The following PID1 variants were observed in gnomAD, a reference collection of about 807,000 sequenced individuals.
PID1 encodes the protein phosphotyrosine interaction domain containing 1.
In PID1, 10 loss-of-function variants were observed where a neutral mutation model predicts 19.1. The ratio of observed to expected loss-of-function variants is 0.52; its 90% confidence interval spans 0.32 to 0.89. The LOEUF (loss-of-function observed/expected upper bound fraction) is 0.89. Among genes scored for constraint, PID1 ranks in the 40% least tolerant of loss-of-function variants. The pLI, the probability that PID1 is intolerant of heterozygous loss-of-function variation, is 0.03. For missense variants in PID1, 248 were observed against 285.3 expected, an observed-to-expected ratio of 0.87 and a Z score of 0.94; for synonymous variants, 130 against 116.0, an observed-to-expected ratio of 1.12 and a Z score of -0.78.
At chr2:229,135,128 G>A (rs938292906) in intron 2 of PID1, among the ~76,000 whole-genome samples, 6 of 152,166 alleles carry the variant, frequency 3.9e-5, no homozygotes, top group African/African-American at 1.4e-4. Context: ...GGAAGAAGTG[G>A]AAGGGTCTTG....
At chr2:229,120,214 CA>C (rs1695489637) in intron 2 of PID1, among the ~76,000 whole-genome samples, 1 of 152,122 alleles carries the variant, frequency 6.6e-6, no homozygotes, top group Admixed American at 6.6e-5. Flanking sequence ...GTCAAAAATC[CA>C]CATATAACTT....
chr2:229,187,894 C>T (rs1270507849), intron 1 of PID1, among the ~76,000 whole-genome samples: 5 of 152,166 alleles, frequency 3.3e-5, no homozygotes, highest in Non-Finnish European at 1.5e-5. Context: ...CTCTCATAAA[C>T]CCATGCTAAT....
At chr2:229,028,655 A>G (rs1451093852) in intron 2 of PID1, among the ~76,000 whole-genome samples, 1 of 152,242 alleles carries the variant, frequency 6.6e-6, no homozygotes, top group African/African-American at 2.4e-5. Flanking sequence ...AATGTGGTAC[A>G]TATACACCAT....
intron 2 of PID1, among the ~76,000 whole-genome samples, chr2:229,041,817 T>A (rs896825565): frequency 7.9e-5 from 12 of 151,568 alleles, no homozygotes; most frequent in Non-Finnish European, 4.4e-5. Context: ...CAAATCCAAA[T>A]GGAAGGGCAT....
At chr2:229,176,190 AG>A (rs1690819951) in intron 1 of PID1, among the ~76,000 whole-genome samples, 1 of 152,206 alleles carries the variant, frequency 6.6e-6, no homozygotes, top group East Asian at 1.9e-4. Context: ...AAACAAAAAA[AG>A]ATTAGCAAAT....
intron 1 of PID1, chr2:229,232,181 T>C: frequency 7.3e-7 from 1 of 1,374,704 alleles, no homozygotes; most frequent in Non-Finnish European, 9.5e-7. Flanking sequence ...CCCAGCACTC[T>C]GGGAGGCCGA....
chr2:229,199,745 T>TATATATATATAC (rs1491155550), intron 1 of PID1, among the ~76,000 whole-genome samples: 11 of 122,540 alleles, frequency 9.0e-5, no homozygotes, highest in African/African-American at 2.3e-4. Flanking sequence ...TATATATATA[T>TATATATATATAC]ACACATACAC....
chr2:229,106,084 A>AAAAAAG (rs1286658330), intron 2 of PID1, among the ~76,000 whole-genome samples: 1 of 151,734 alleles, frequency 6.6e-6, no homozygotes, highest in Non-Finnish European at 1.5e-5. Context: ...CGTCAAAAAA[A>AAAAAAG]AAAAAGGGAA....
intron 2 of PID1, among the ~76,000 whole-genome samples, chr2:229,071,736 G>C (rs1358033292): frequency 6.6e-6 from 1 of 152,160 alleles, no homozygotes; most frequent in African/African-American, 2.4e-5. Flanking sequence ...CACAGTAAAA[G>C]ATAAGCTTCA....
chr2:229,198,680 G>A (rs1002139327), intron 1 of PID1, among the ~76,000 whole-genome samples: 10 of 151,970 alleles, frequency 6.6e-5, no homozygotes, highest in Admixed American at 3.3e-4. Context: ...TCTAGGAGAC[G>A]CCCTTGATTC....
At chr2:229,264,831 C>A (rs1387742141) in intron 1 of PID1, among the ~76,000 whole-genome samples, 2 of 152,210 alleles carry the variant, frequency 1.3e-5, no homozygotes, top group Non-Finnish European at 2.9e-5. Flanking sequence ...CTTCTTCTCA[C>A]CCTTCACCCA....
intron 2 of PID1, among the ~76,000 whole-genome samples, chr2:229,063,810 TG>T (rs1418312338): frequency 6.6e-6 from 1 of 152,128 alleles, no homozygotes; most frequent in African/African-American, 2.4e-5. Context: ...TATGATTTGA[TG>T]TTAGGTGCAT....
chr2:229,207,741 T>C (rs1691639207), intron 1 of PID1, among the ~76,000 whole-genome samples: 1 of 151,902 alleles, frequency 6.6e-6, no homozygotes, highest in African/African-American at 2.4e-5. Context: ...AGAATCCGTG[T>C]TTTCAAATGC....
chr2:229,214,436 TA>T (rs1433761776), intron 1 of PID1, among the ~76,000 whole-genome samples: 1 of 152,126 alleles, frequency 6.6e-6, no homozygotes, highest in Non-Finnish European at 1.5e-5. Context: ...ACTCACTTCT[TA>T]AGAAGTAGAT....
intron 1 of PID1, among the ~76,000 whole-genome samples, chr2:229,220,224 G>T (rs6716932): frequency 6.6e-6 from 1 of 151,962 alleles, no homozygotes; most frequent in African/African-American, 2.4e-5. Flanking sequence ...TTACTATGTT[G>T]CCCAGGCTCC....
Position 229,052,547 on chromosome 2 carries a change from GC to G in PID1, c.178-26440del, listed in dbSNP as rs1292329418. Among the ~76,000 whole-genome samples the G allele has an allele frequency of 9.4e-5, 10 of 106,784 alleles. No homozygotes were observed. The South Asian group carries it at 2.8e-3, about 30-fold the overall frequency. The allele number at this position is 106,784 out of a possible 152,430, so 70.1% of individuals were successfully genotyped here. A position where few individuals can be genotyped will look rare whatever the true frequency, so the allele number is the denominator to read the frequency against. On this transcript the variant is annotated intron_variant, in intron 2 of 2. Coordinates refer to ENST00000392055, the MANE Select transcript of PID1 (RefSeq NM_001100818.2). ...TTTTTGATGGGACTTGGCTTAGAGAGCTTTTTTTTTTCAACAAATGGGGATC... is the reference window on the plus strand; with the variant it reads ...TTTTTGATGGGACTTGGCTTAGAGAGTTTTTTTTTTCAACAAATGGGGATC...
chr2:229,121,014 G>A (rs181505956), intron 2 of PID1, among the ~76,000 whole-genome samples: 15 of 152,216 alleles, frequency 9.9e-5, no homozygotes, highest in African/African-American at 3.6e-4. Flanking sequence ...TCAGCATCAT[G>A]CGCATTGAAC....
At chr2:229,269,625 G>A (rs986328324) in intron 1 of PID1, among the ~76,000 whole-genome samples, 1 of 152,182 alleles carries the variant, frequency 6.6e-6, no homozygotes, top group Non-Finnish European at 1.5e-5. Context: ...GCCTTTAACC[G>A]AAGGAGAACT....
chr2:229,132,828 C>T (rs538074528), intron 2 of PID1, among the ~76,000 whole-genome samples: 1 of 152,246 alleles, frequency 6.6e-6, no homozygotes, highest in Non-Finnish European at 1.5e-5. Flanking sequence ...AATGTATGCA[C>T]TGCACTGTAG....
Sources: gnomAD v4.1 joint callset for allele counts (sites outside exome capture counted in the v4.1 genomes callset) on GRCh38, gnomAD v4.1.1 for gene constraint, MANE v1.5 for transcripts, NCBI Gene and HGNC (gene_info 2026-07-23, HGNC 2026-07-21) for gene names.